Variants in MYO18B observed in about 807,000 individuals in gnomAD.
MYO18B encodes myosin XVIIIB.
MYO18B carries 204 observed loss-of-function variants against 273.0 expected under a neutral mutation model. That is an observed-to-expected ratio of 0.75 (90% CI 0.67 to 0.84). The LOEUF is 0.84. Among genes scored for constraint, MYO18B ranks in the 40% least tolerant of loss-of-function variants. MYO18B has a pLI of 0.00. For missense variants in MYO18B, 3,212 were observed against 3,287.6 expected (o/e 0.98, Z 0.56); for synonymous variants, 1,330 against 1,305.7 (o/e 1.02, Z -0.40).
rs769468687 is a variant in MYO18B at position 26,027,115 on chromosome 22, C to T, written c.7141C>T (p.Arg2381Cys). 9.9e-6 allele frequency: 16 copies of T among 1,613,882 alleles called. No individual in the cohort carries two copies. The highest frequency in any genetic ancestry group is 5.0e-5 in the Admixed American group (3 of 60,006). ...GGACATGCTGTTGTCGCCCACACTG[C>T]GTCCTCGGAGGCGGTGTCTGGAGTC... ...PRDMLLSPTL[R>C]PRRRCLESSV... is the part of the protein sequence containing the mutation. The change falls in exon 43 of 44, where the codon CGT becomes TGT. Residue 2381 changes from arginine (R) to cysteine (C), a missense_variant. Physicochemically the swap from Arg to Cys is radical, Grantham distance 180. Transcript: ENST00000335473. The surrounding 1 kb of genome is among the most constrained non-coding windows in gnomAD (Gnocchi z 4.1).
At chr22:25,809,019 C>T (rs564904714) in intron 12 of MYO18B, among the ~76,000 whole-genome samples, 3 of 152,252 alleles carry the variant, frequency 2.0e-5, no homozygotes, top group South Asian at 4.2e-4. Flanking sequence ...TCTTGGCTTA[C>T]AGCAACCTCC....
chr22:26,017,774 T>A (rs1050712805), intron 42 of MYO18B, among the ~76,000 whole-genome samples: 1 of 152,182 alleles, frequency 6.6e-6, no homozygotes, highest in African/African-American at 2.4e-5. Context: ...TAGTCTCTTT[T>A]AAGAAAAATA....
chr22:25,747,879 A>G (rs2085828425), intron 1 of MYO18B, among the ~76,000 whole-genome samples: 1 of 152,116 alleles, frequency 6.6e-6, no homozygotes, highest in African/African-American at 2.4e-5. Flanking sequence ...CTGCATCCCC[A>G]TTTGACAGAC....
intron 12 of MYO18B, among the ~76,000 whole-genome samples, chr22:25,818,000 G>A (rs2089112612): frequency 6.6e-6 from 1 of 152,210 alleles, no homozygotes; most frequent in Admixed American, 6.5e-5. Flanking sequence ...GGGCCCATCT[G>A]CCATGGGGAC....
chr22:26,003,486 G>A (rs1197878783), intron 41 of MYO18B, among the ~76,000 whole-genome samples, 177 bp downstream of exon 41: 1 of 152,160 alleles, frequency 6.6e-6, no homozygotes, highest in Non-Finnish European at 1.5e-5. Flanking sequence ...AACTGCCCTA[G>A]TTCTTTTAGA....
At chr22:26,049,106 G>C in the MYO18B span, among the ~76,000 whole-genome samples, 25 of 152,290 alleles carry the variant, frequency 1.6e-4, no homozygotes, top group South Asian at 3.3e-3. Context: ...AAGAATGTAG[G>C]ACGGGAATAG....
chr22:26,020,439 G>A lies in MYO18B; in HGVS notation c.6471-6006G>A, dbSNP rs147004848. 4.3e-3 allele frequency among the ~76,000 whole-genome samples: 661 copies of A among 152,298 alleles called. 4 individuals are homozygous for A. The highest frequency in any genetic ancestry group is 0.015 in the African/African-American group (641 of 41,540). On this transcript the variant is annotated intron_variant, in intron 42 of 43. Transcript: ENST00000335473. Reference sequence around the variant, plus strand: ...ACTTCCCTTCTCTGTGCTGTTCACAGTAGGCTCATACATAGGAATTGTTTA... The same window carrying A: ...ACTTCCCTTCTCTGTGCTGTTCACAATAGGCTCATACATAGGAATTGTTTA...
intron 34 of MYO18B, among the ~76,000 whole-genome samples, chr22:25,928,582 G>C (rs2092454431): frequency 6.6e-6 from 1 of 151,852 alleles, no homozygotes; most frequent in African/African-American, 2.4e-5. Flanking sequence ...TAATCATTTG[G>C]TTCTTTTCTC....
intron 23 of MYO18B, among the ~76,000 whole-genome samples, chr22:25,874,729 G>A (rs2091144549): frequency 6.6e-6 from 1 of 152,164 alleles, no homozygotes; most frequent in Non-Finnish European, 1.5e-5. Context: ...CCAGGGCCCA[G>A]CCACTGAGGT....
chr22:25,959,596 A>G (rs1348535467), intron 39 of MYO18B, among the ~76,000 whole-genome samples: 3 of 152,090 alleles, frequency 2.0e-5, no homozygotes, highest in African/African-American at 7.2e-5. Flanking sequence ...TAGAATTCAC[A>G]TCCTCCCTGG....
chr22:25,873,375 C>T (rs1170170727), intron 22 of MYO18B, among the ~76,000 whole-genome samples: 1 of 152,200 alleles, frequency 6.6e-6, no homozygotes, highest in Non-Finnish European at 1.5e-5. Flanking sequence ...CCTCTCCAGA[C>T]CAAGAGGACT....
chr22:25,775,143 T>C (rs1235162878), intron 7 of MYO18B, among the ~76,000 whole-genome samples: 1 of 152,178 alleles, frequency 6.6e-6, no homozygotes, highest in Non-Finnish European at 1.5e-5. Flanking sequence ...GGGGGATGGC[T>C]CTAGGACTGA....
At chr22:25,834,370 A>G (rs892873631) in intron 16 of MYO18B, among the ~76,000 whole-genome samples, 10 of 152,112 alleles carry the variant, frequency 6.6e-5, no homozygotes, top group African/African-American at 1.9e-4. Flanking sequence ...TTCAGCCCCA[A>G]TAAAGAAGGC....
At chr22:25,755,961 G>A (rs1053347339) in intron 1 of MYO18B, among the ~76,000 whole-genome samples, 23 of 151,484 alleles carry the variant, frequency 1.5e-4, no homozygotes, top group African/African-American at 5.6e-4. Flanking sequence ...GCAGTGGCAC[G>A]ATGTCAGCTC....
chr22:26,058,567 G>T, the MYO18B span, among the ~76,000 whole-genome samples: 1 of 152,188 alleles, frequency 6.6e-6, no homozygotes, highest in South Asian at 2.1e-4. Flanking sequence ...TGGAGGTGGG[G>T]CCCAATGGGA....
intron 18 of MYO18B, 88 bp downstream of exon 18, chr22:25,843,982 C>T (rs562609407): frequency 1.2e-5 from 16 of 1,315,994 alleles, no homozygotes; most frequent in Middle Eastern, 2.4e-4. Context: ...CACTACAACA[C>T]AGTGTGGGAG....
intron 29 of MYO18B, 142 bp downstream of exon 29, chr22:25,898,603 C>T: frequency 1.2e-6 from 1 of 843,152 alleles, no homozygotes; most frequent in Non-Finnish European, 1.8e-6. Flanking sequence ...TCCCGTCACA[C>T]CTTATTCCTG....
At chr22:25,903,473 AG>A (rs1168936310) in intron 30 of MYO18B, among the ~76,000 whole-genome samples, 157 bp from the exon 31 acceptor site, 1 of 152,154 alleles carries the variant, frequency 6.6e-6, no homozygotes, top group African/African-American at 2.4e-5. Flanking sequence ...GGTGTCCCAC[AG>A]GGGGCGCTGT....
intron 12 of MYO18B, among the ~76,000 whole-genome samples, chr22:25,806,544 C>T (rs113540987): frequency 0.044 from 6,768 of 152,178 alleles, 360 homozygotes; most frequent in African/African-American, 0.11. Flanking sequence ...CGGGAGGGGG[C>T]TCTGAGGGCT....
Sources: gnomAD v4.1 joint callset for allele counts (sites outside exome capture counted in the v4.1 genomes callset) on GRCh38, gnomAD v4.1.1 for gene constraint, Gnocchi (gnomAD v3.1) non-coding constraint, MANE v1.5 for transcripts, NCBI Gene and HGNC (gene_info 2026-07-23, HGNC 2026-07-21) for gene names.